UBE2U: variants seen among roughly 807,000 people sequenced by gnomAD.
UBE2U encodes the protein ubiquitin conjugating enzyme E2 U.
A neutral mutation model predicts 41.2 loss-of-function variants in UBE2U; 39 were observed. The ratio of observed to expected loss-of-function variants is 0.95; its 90% CI spans 0.73 to 1.24. UBE2U has a LOEUF of 1.24. UBE2U is among the 50% of genes most tolerant of loss of function. The pLI is 0.00. For missense variants in UBE2U, 336 were observed against 363.1 expected (o/e 0.93, Z 0.61); for synonymous variants, 107 against 117.8 (o/e 0.91, Z 0.60).
In UBE2U at chr1:64,206,806, A is replaced by G. The variant is rs769873337; in HGVS notation, c.191A>G (p.Asn64Ser). 1.9e-6 allele frequency: 3 copies of G among 1,607,136 alleles called. No homozygotes were observed. In the South Asian group the frequency reaches 3.3e-5, roughly 18 times the overall value. The part of the protein sequence containing the change: ...QLTIHFTSEY[N>S]YAPPVVKFIT... ...ACAATACATTTTACATCGGAGTACA[A>G]CTATGCTCCTCCAGTTGTGAAATTT... The change falls in exon 3 of 10, where the codon AAC becomes AGC. Residue 64 changes from asparagine to serine, a missense_variant. Physicochemically the swap from Asn to Ser is conservative, Grantham distance 46. Coordinates refer to ENST00000371077, the MANE Select transcript of UBE2U (RefSeq NM_001366232.2).
At chr1:64,225,134 G>C (rs1652780678) in intron 6 of UBE2U, among the ~76,000 whole-genome samples, 1 of 152,064 alleles carries the variant, frequency 6.6e-6, no homozygotes, top group East Asian at 1.9e-4. Flanking sequence ...AATGAGTTAA[G>C]TACATAGAAA....
In UBE2U at chr1:64,214,888, C is replaced by G. The variant is rs542139617; in HGVS notation, c.413C>G (p.Ser138Cys). 6.2e-7 allele frequency: 1 copy of G among 1,614,172 alleles called. No homozygotes were observed. Among genetic ancestry groups the G allele is most frequent in the East Asian group, 2.2e-5 (1 of 44,884 alleles). Reference protein sequence around the residue: ...EAARILVKDESLYRTILRLFN... With the variant: ...EAARILVKDECLYRTILRLFN... ...GCCAGAATACTGGTTAAAGATGAAT[C>G]TCTGTACAGAACAATTCTAAGACTT... Residue 138 changes from serine (S) to cysteine (C), a missense_variant, in exon 5 of 10, where the codon TCT (serine) becomes TGT (cysteine). Transcript: ENST00000371077.
At chr1:64,244,672 C>T (rs72667262) in intron 8 of UBE2U, among the ~76,000 whole-genome samples, 33,975 of 151,982 alleles carry the variant, frequency 0.22, 3,998 homozygotes, top group Middle Eastern at 0.35. Flanking sequence ...TTTGTAGAGA[C>T]AGTCACTGAC....
chr1:64,263,576 GTTGT>G (rs1440620642), intron 9 of UBE2U, among the ~76,000 whole-genome samples: 1 of 152,186 alleles, frequency 6.6e-6, no homozygotes, highest in Non-Finnish European at 1.5e-5. Context: ...AGATTTTGTG[GTTGT>G]TTATTATGTA....
chr1:64,267,329 C>T lies in UBE2U; in HGVS notation c.*121C>T, dbSNP rs948613552. ...TTTTTAAGTTGTTCTCACCCACTCA[C>T]TGCAAGTACAAATTAGAAATATAAG... On this transcript the variant is annotated 3_prime_UTR_variant, in exon 10 of 10. Transcript: ENST00000371077. 21 of 757,884 alleles carry T rather than the reference C, an allele frequency of 2.8e-5. No homozygotes were observed. The African/African-American group carries it at 3.3e-4, about 12-fold the overall frequency. The allele number at this position is 757,884 out of a possible 1,614,324, so 46.9% of individuals were successfully genotyped here.
intron 7 of UBE2U, among the ~76,000 whole-genome samples, chr1:64,235,829 T>C (rs982012533): frequency 4.6e-5 from 7 of 152,190 alleles, no homozygotes; most frequent in Admixed American, 2.0e-4. Flanking sequence ...TCTCAATCTA[T>C]CATTCTTTTA....
In UBE2U at chr1:64,244,117, A is replaced by G. The variant is rs1392184519; in HGVS notation, c.677+2384A>G. 4 of 1,599,848 alleles carry G rather than the reference A, an allele frequency of 2.5e-6. No individual in the cohort carries two copies. In the African/African-American group the frequency reaches 4.0e-5, roughly 16 times the overall value. ...CTTTTAAAACTTTACTGTGGCCCTC[A>G]TTCAATTTGCAGATGAAAAATCTTT... On this transcript the variant is annotated intron_variant, in intron 8 of 9. Transcript: ENST00000371077.
chr1:64,210,080 A>C (rs977027449), intron 3 of UBE2U, among the ~76,000 whole-genome samples: 4 of 152,184 alleles, frequency 2.6e-5, no homozygotes, highest in African/African-American at 9.7e-5. Context: ...TTTAAAATAA[A>C]TTTATATTTA....
At chr1:64,219,280 T>C (rs1056442109) in intron 5 of UBE2U, among the ~76,000 whole-genome samples, 3 of 152,202 alleles carry the variant, frequency 2.0e-5, no homozygotes, top group African/African-American at 7.2e-5. Context: ...AGAAGTCTAA[T>C]TTCATTCCGA....
chr1:64,212,942 C>T (rs534905084), intron 4 of UBE2U, among the ~76,000 whole-genome samples: 11 of 151,876 alleles, frequency 7.2e-5, no homozygotes, highest in Admixed American at 3.9e-4. Context: ...TTTTATTTTT[C>T]GAAAACATTA....
intron 8 of UBE2U, among the ~76,000 whole-genome samples, chr1:64,256,740 A>G (rs952050478): frequency 7.9e-5 from 12 of 152,210 alleles, no homozygotes; most frequent in Non-Finnish European, 2.9e-5. Context: ...TGCCAAAAGC[A>G]ATTGCAACAA....
rs756752430 is a variant in UBE2U at position 64,241,704 on chromosome 1, T to G, written c.648T>G (p.Asp216Glu). The G allele has an allele frequency of 3.7e-6, 6 of 1,609,756 alleles. No homozygotes were observed. The highest frequency in any genetic ancestry group is 5.1e-6 in the Non-Finnish European group (6 of 1,178,142). ...IGQYYKWKKM[D>E]LQHQKEWNLK... ...AGTATTACAAATGGAAGAAAATGGA[T>G]CTACAGCATCAGAAAGAATGGAATT... Residue 216 changes from aspartate (D) to glutamate (E), a missense_variant, in exon 8 of 10, where the codon GAT becomes GAG. Physicochemically the swap from Asp to Glu is conservative, Grantham distance 45 (BLOSUM62 2). Coordinates refer to ENST00000371077, the MANE Select transcript of UBE2U (RefSeq NM_001366232.2).
chr1:64,265,937 G>A (rs1375380703), intron 9 of UBE2U, among the ~76,000 whole-genome samples: 4 of 152,180 alleles, frequency 2.6e-5, no homozygotes, highest in Non-Finnish European at 4.4e-5. Context: ...TGTAGCCCAT[G>A]TCTATAACAT....
At chr1:64,247,864 CAAAAA>C (rs71056034) in intron 8 of UBE2U, among the ~76,000 whole-genome samples, 46 of 127,878 alleles carry the variant, frequency 3.6e-4, no homozygotes, top group Non-Finnish European at 4.2e-4. Context: ...ACCTGTCTCA[CAAAAA>C]AAAAAAAAAA....
chr1:64,216,643 C>T (rs774398105), intron 5 of UBE2U, among the ~76,000 whole-genome samples: 5 of 152,200 alleles, frequency 3.3e-5, no homozygotes, highest in African/African-American at 4.8e-5. Context: ...GACTTTACTC[C>T]GTGATCAGTT....
chr1:64,255,518 C>T (rs1487635177), intron 8 of UBE2U, among the ~76,000 whole-genome samples: 1 of 152,136 alleles, frequency 6.6e-6, no homozygotes, highest in Non-Finnish European at 1.5e-5. Flanking sequence ...ATGCAAAAAT[C>T]CTCAATAAAA....
chr1:64,234,673 A>G (rs551075164), intron 7 of UBE2U, among the ~76,000 whole-genome samples: 2 of 152,330 alleles, frequency 1.3e-5, no homozygotes, highest in African/African-American at 4.8e-5. Context: ...TTTAAGGTAC[A>G]TCAAGATATA....
intron 6 of UBE2U, among the ~76,000 whole-genome samples, chr1:64,229,439 C>T (rs1009061167): frequency 5.9e-5 from 9 of 152,180 alleles, no homozygotes; most frequent in Non-Finnish European, 1.3e-4. Flanking sequence ...CATGATTTCA[C>T]TGAGTGCTCA....
chr1:64,238,879 G>C (rs1039960083), intron 7 of UBE2U, among the ~76,000 whole-genome samples: 1 of 151,260 alleles, frequency 6.6e-6, no homozygotes, highest in South Asian at 2.1e-4. Context: ...CCATCTCTAC[G>C]AAAAAGTTAA....
Sources: gnomAD v4.1 joint callset for allele counts (sites outside exome capture counted in the v4.1 genomes callset) on GRCh38, gnomAD v4.1.1 for gene constraint, MANE v1.5 for transcripts, NCBI Gene and HGNC (gene_info 2026-07-23, HGNC 2026-07-21) for gene names.